The following SOX6 variants were observed in gnomAD, a reference collection of about 807,000 sequenced individuals.
The protein encoded by SOX6 is SRY-box transcription factor 6.
Under a neutral mutation model 97.8 loss-of-function variants are expected in SOX6, and 11 were observed. The observed-to-expected ratio is 0.11, with a 90% CI of 0.07 to 0.19. The LOEUF (loss-of-function observed/expected upper bound fraction) is 0.19, where lower values mean the gene tolerates loss of function less well. Among genes scored for constraint, SOX6 ranks in the 10% least tolerant of loss-of-function variants. The pLI, the probability that SOX6 is intolerant of heterozygous loss-of-function variation, is 1.00. For synonymous variants in SOX6, 360 were observed against 371.4 expected (o/e 0.97, Z 0.35); for missense variants, 810 against 1,039.5 (o/e 0.78, Z 3.04).
At chr11:16,429,576 G>A (rs1012620857) in intron 1 of SOX6, among the ~76,000 whole-genome samples, 1 of 152,022 alleles carries the variant, frequency 6.6e-6, no homozygotes, top group African/African-American at 2.4e-5. Flanking sequence ...TAAAGCAGGA[G>A]CAGAAAACCA....
chr11:16,317,118 T>A (rs910550641), intron 3 of SOX6: 35 of 151,830 alleles, frequency 2.3e-4, no homozygotes, highest in African/African-American at 7.5e-4. Flanking sequence ...GATATATATA[T>A]CAAGCAGACA....
chr11:16,320,452 T>C (rs1855884149), intron 2 of SOX6, among the ~76,000 whole-genome samples: 1 of 152,158 alleles, frequency 6.6e-6, no homozygotes, highest in Non-Finnish European at 1.5e-5. Flanking sequence ...TTCGGATTAT[T>C]GTCATTGTAT....
intron 3 of SOX6, among the ~76,000 whole-genome samples, chr11:16,697,591 C>G (rs969705395): frequency 1.3e-5 from 2 of 152,146 alleles, no homozygotes; most frequent in Admixed American, 1.3e-4. Flanking sequence ...GCCTGGGTGA[C>G]AGAGTGAGAC....
At chr11:16,700,404 T>C (rs1848084222) in intron 3 of SOX6, among the ~76,000 whole-genome samples, 1 of 152,196 alleles carries the variant, frequency 6.6e-6, no homozygotes, top group Admixed American at 6.5e-5. Flanking sequence ...ATAGGTCATG[T>C]GAAGAATTTT....
intron 1 of SOX6, among the ~76,000 whole-genome samples, chr11:16,398,751 G>A (rs1353798321): frequency 4.0e-5 from 6 of 150,450 alleles, no homozygotes; most frequent in East Asian, 1.9e-4. Context: ...ATGGCAGCCA[G>A]TGGTTTCACA....
intron 12 of SOX6, among the ~76,000 whole-genome samples, chr11:16,045,376 C>T (rs556086316): frequency 3.3e-5 from 5 of 152,206 alleles, no homozygotes; most frequent in African/African-American, 1.2e-4. Context: ...CAGAATTTTT[C>T]ACAGTCTACT....
At chr11:16,481,104 C>T (rs74734745), upstream of SOX6, among the ~76,000 whole-genome samples, 1,293 of 152,088 alleles carry the variant, frequency 8.5e-3, 21 homozygotes, top group African/African-American at 0.028. Flanking sequence ...TCCAAAGCTC[C>T]ATCAATTTAA....
chr11:16,091,459 T>C (rs532145622), intron 9 of SOX6, among the ~76,000 whole-genome samples: 7 of 152,066 alleles, frequency 4.6e-5, no homozygotes, highest in African/African-American at 1.7e-4. Flanking sequence ...GAAGACAGGG[T>C]ACAACAGACA....
At chr11:16,344,580 T>G (rs946069954) in intron 1 of SOX6, among the ~76,000 whole-genome samples, 4 of 151,972 alleles carry the variant, frequency 2.6e-5, no homozygotes, top group East Asian at 1.9e-4. Context: ...TTTCAGTGTT[T>G]TAAAATGTCA....
chr11:16,473,224 G>A (rs1860173649), intron 1 of SOX6, among the ~76,000 whole-genome samples: 1 of 152,154 alleles, frequency 6.6e-6, no homozygotes, highest in African/African-American at 2.4e-5. Context: ...GGCGTGCCTT[G>A]AAGATATTGC....
At chr11:16,350,053 G>A (rs1856897380) in intron 1 of SOX6, among the ~76,000 whole-genome samples, 2 of 152,134 alleles carry the variant, frequency 1.3e-5, no homozygotes, top group South Asian at 4.2e-4. Context: ...GGGAGGCACT[G>A]ACTACACCAG....
chr11:16,713,426 T>C (rs538021701), intron 3 of SOX6, among the ~76,000 whole-genome samples: 1 of 152,288 alleles, frequency 6.6e-6, no homozygotes, highest in Non-Finnish European at 1.5e-5. Flanking sequence ...TTATTTCATA[T>C]GGATAATACA....
intron 4 of SOX6, chr11:16,567,238 CTG>C (rs2133196152): frequency 6.5e-6 from 1 of 152,868 alleles, no homozygotes; most frequent in African/African-American, 2.4e-5. Context: ...GAAATCATCT[CTG>C]TTTATAAAAT....
intron 3 of SOX6, among the ~76,000 whole-genome samples, chr11:16,307,951 A>G (rs1855487349): frequency 6.6e-6 from 1 of 152,114 alleles, no homozygotes; most frequent in Admixed American, 6.6e-5. Context: ...CTATTACTTC[A>G]TTGTGAGAGT....
intron 3 of SOX6, among the ~76,000 whole-genome samples, chr11:16,665,440 A>G (rs751933606): frequency 6.6e-6 from 1 of 152,172 alleles, no homozygotes. Flanking sequence ...CCATGGGGAA[A>G]AACTCCTCTG....
At chr11:16,122,470 T>C (rs1849517218) in intron 6 of SOX6, among the ~76,000 whole-genome samples, 1 of 152,064 alleles carries the variant, frequency 6.6e-6, no homozygotes, top group African/African-American at 2.4e-5. Context: ...ATAAATGCCA[T>C]TTAAATATGG....
intron 3 of SOX6, among the ~76,000 whole-genome samples, chr11:16,709,572 T>C (rs1848161685): frequency 1.3e-5 from 2 of 151,886 alleles, no homozygotes; most frequent in African/African-American, 4.8e-5. Flanking sequence ...GAGAAGTCTG[T>C]TCCTCCTTTG....
chr11:16,411,545 T>C (rs950673222), intron 1 of SOX6, among the ~76,000 whole-genome samples: 50 of 152,268 alleles, frequency 3.3e-4, no homozygotes, highest in Non-Finnish European at 6.3e-4. Context: ...ATTATTTTAA[T>C]GTTGGGATTT....
chr11:16,423,991 C>T (rs1025420792), intron 1 of SOX6, among the ~76,000 whole-genome samples: 3 of 152,028 alleles, frequency 2.0e-5, no homozygotes, highest in Non-Finnish European at 2.9e-5. Context: ...TTTAGTCAAC[C>T]GTATTAATTA....
Sources: allele counts gnomAD v4.1 joint callset (sites outside exome capture counted in the v4.1 genomes callset), GRCh38; gene constraint gnomAD v4.1.1; transcripts MANE v1.5; gene names NCBI Gene and HGNC (gene_info 2026-07-23, HGNC 2026-07-21).